RAP1GAP: variants seen among roughly 807,000 people sequenced by gnomAD.
RAP1GAP encodes rap1 GTPase-activating protein 1.
A neutral mutation model predicts 87.2 loss-of-function variants in RAP1GAP; 35 were observed. The observed-to-expected ratio is 0.40, with a 90% confidence interval of 0.31 to 0.53. The LOEUF (loss-of-function observed/expected upper bound fraction) is 0.53, where lower values mean the gene tolerates loss of function less well. RAP1GAP is among the 20% of genes least tolerant of loss of function. RAP1GAP has a pLI of 0.48. For missense variants in RAP1GAP, 734 were observed against 898.9 expected, an observed-to-expected ratio of 0.82 and a Z score of 2.35; for synonymous variants, 375 against 363.9, an observed-to-expected ratio of 1.03 and a Z score of -0.35.
chr1:21,640,355 A>G (rs2095405357), intron 2 of RAP1GAP, among the ~76,000 whole-genome samples: 1 of 152,114 alleles, frequency 6.6e-6, no homozygotes. Context: ...TGCACATTTC[A>G]TGGTGTGACC....
intron 2 of RAP1GAP, among the ~76,000 whole-genome samples, chr1:21,630,266 CT>C (rs199787255): frequency 1.2e-3 from 174 of 145,610 alleles, no homozygotes; most frequent in African/African-American, 1.4e-3. Context: ...TTCTTTTTCC[CT>C]TTTTTTTTTT....
chr1:21,601,851 C>T, intron 19 of RAP1GAP, 54 bp from the exon 20 acceptor site: 3 of 1,319,510 alleles, frequency 2.3e-6, no homozygotes, highest in South Asian at 1.3e-5. Context: ...TGGCATCAGG[C>T]GTAGCGTGAG....
intron 6 of RAP1GAP, 132 bp from the exon 7 acceptor site, chr1:21,617,623 T>C: frequency 9.1e-7 from 1 of 1,104,122 alleles, no homozygotes; most frequent in South Asian, 1.6e-5. Context: ...AGAGCCTGTG[T>C]GGGCCCCAGG....
At position 21,622,903 on chromosome 1, in the gene RAP1GAP, G is replaced by GT. The variant is rs2089724965; in HGVS notation, c.-18-2854dup. 1 of 152,238 alleles carries GT rather than the reference G, an allele frequency of 6.6e-6. No homozygotes were observed. The highest frequency in any genetic ancestry group is 2.1e-4 in the South Asian group (1 of 4,832). 9.4% of individuals were successfully genotyped at this position (152,238 alleles called of 1,614,324 possible). A position where few individuals can be genotyped will look rare whatever the true frequency, so the allele number is the denominator to read the frequency against. ...TAATGCTGGGCCCTTCGCATGTGTC[G>GT]TAATCTCGTCACAGCCCAGGAGGTA... On this transcript the variant is annotated intron_variant, in intron 3 of 24. Transcript: ENST00000374765. The surrounding 1 kb of genome is among the most constrained non-coding windows in gnomAD (Gnocchi z 5.7).
chr1:21,622,090 C>T lies in RAP1GAP; in HGVS notation c.-18-2040G>A, dbSNP rs1228744457. ...AGTGGTCCCGACGGTAGCACGCACC[C>T]ACACACACCCTGCCGCTGCAGCCCA... On this transcript the variant is annotated intron_variant, in intron 3 of 24. Coordinates refer to ENST00000374765, the MANE Select transcript of RAP1GAP (RefSeq NM_002885.4). The surrounding 1 kb of genome is among the most constrained non-coding windows in gnomAD (Gnocchi z 5.7). 6.6e-6 allele frequency among the ~76,000 whole-genome samples: 1 copy of T among 152,168 alleles called. No homozygotes were observed. The highest frequency in any genetic ancestry group is 1.5e-5 in the Non-Finnish European group (1 of 68,030).
At chr1:21,627,053 T>C in intron 2 of RAP1GAP, 2 of 452,430 alleles carry the variant, frequency 4.4e-6, no homozygotes, top group South Asian at 1.6e-5. Flanking sequence ...CACCACACCC[T>C]TCCCTGAGGA....
In RAP1GAP at chr1:21,657,427, G is replaced by A. The variant is rs193041676; in HGVS notation, c.-148-7631C>T. On this transcript the variant is annotated intron_variant, in intron 1 of 24. Transcript: ENST00000374765. ...TCATACAATATACACAGACAGATGT[G>A]TACACACCTCACAAACACGCATGGA... Among the ~76,000 whole-genome samples the A allele has an allele frequency of 1.6e-3, 251 of 152,360 alleles. 1 individual carries two copies. The highest frequency in any genetic ancestry group is 5.8e-3 in the African/African-American group (242 of 41,580).
intron 11 of RAP1GAP, 82 bp from the exon 12 acceptor site, chr1:21,611,898 C>A: frequency 1.3e-6 from 2 of 1,511,544 alleles, no homozygotes; most frequent in South Asian, 1.1e-5. Flanking sequence ...CCAGAGAGGG[C>A]CGGAGGGAGG....
At position 21,634,674 on chromosome 1, in the gene RAP1GAP, CA is replaced by C; in HGVS notation, c.-112-8278del. 3.2e-6 allele frequency: 1 copy of C among 315,866 alleles called. No homozygotes were observed. The highest frequency in any genetic ancestry group is 6.9e-6 in the Non-Finnish European group (1 of 144,314). 19.6% of individuals were successfully genotyped at this position (315,866 alleles called of 1,614,324 possible). A position where few individuals can be genotyped will look rare whatever the true frequency, so the allele number is the denominator to read the frequency against. The stretch of plus-strand genomic sequence containing the variant: ...CTGGGCCAGGCAGAGGCCTCCTGAA[CA>C]AATAACAGGTTGGCAGCCTAGAGAG... On this transcript the variant is annotated intron_variant, in intron 2 of 24. Transcript: ENST00000374765. The surrounding 1 kb of genome is among the most constrained non-coding windows in gnomAD (Gnocchi z 4.1).
At chr1:21,625,880 G>C (rs1490941921) in intron 3 of RAP1GAP, among the ~76,000 whole-genome samples, 1 of 152,174 alleles carries the variant, frequency 6.6e-6, no homozygotes, top group Non-Finnish European at 1.5e-5. Flanking sequence ...CGTTGACAGG[G>C]CTCTTGCTCT....
intron 1 of RAP1GAP, among the ~76,000 whole-genome samples, chr1:21,654,327 G>A (rs868567652): frequency 4.6e-5 from 7 of 152,186 alleles, no homozygotes; most frequent in South Asian, 4.1e-4. Context: ...ACCGTTGAAG[G>A]CTAAAATCTC....
In RAP1GAP at chr1:21,613,058, T is replaced by G; in HGVS notation, c.528+118A>C. ...AATTGTGGACTTCACAGGGTTATTG[T>G]GAGGATTAAATGAGAGAACCTTGGG... is the stretch of plus-strand genomic sequence containing the variant. On this transcript the variant is annotated intron_variant, in intron 10 of 24. Coordinates refer to ENST00000374765, the MANE Select transcript of RAP1GAP (RefSeq NM_002885.4). The surrounding 1 kb of genome is among the most constrained non-coding windows in gnomAD (Gnocchi z 4.7). 4 of 1,135,050 alleles carry G rather than the reference T, an allele frequency of 3.5e-6. No homozygotes were observed. The highest frequency in any genetic ancestry group is 5.2e-6 in the Non-Finnish European group (4 of 764,218). 70.3% of individuals were successfully genotyped at this position (1,135,050 alleles called of 1,614,324 possible).
At chr1:21,651,385 C>T (rs1210946451) in intron 1 of RAP1GAP, 2 of 526,556 alleles carry the variant, frequency 3.8e-6, no homozygotes, top group African/African-American at 1.9e-5. Context: ...CCCCTACTCC[C>T]ACATACCTAT....
chr1:21,628,956 C>T (rs1390138870), intron 2 of RAP1GAP, among the ~76,000 whole-genome samples: 1 of 151,830 alleles, frequency 6.6e-6, no homozygotes, highest in East Asian at 1.9e-4. Context: ...TCCACTGAGG[C>T]TCCCATGGGG....
intron 3 of RAP1GAP, among the ~76,000 whole-genome samples, chr1:21,620,395 G>T (rs2086176056): frequency 6.6e-6 from 1 of 152,202 alleles, no homozygotes; most frequent in African/African-American, 2.4e-5. Context: ...CCCAGGAGGG[G>T]TCTATGCTTC....
chr1:21,612,553 C>T (rs1214815578), intron 10 of RAP1GAP, among the ~76,000 whole-genome samples: 1 of 152,168 alleles, frequency 6.6e-6, no homozygotes, highest in African/African-American at 2.4e-5. Context: ...CACCTTAGGC[C>T]TCAGTTTCCT....
intron 2 of RAP1GAP, among the ~76,000 whole-genome samples, chr1:21,648,709 G>A (rs899664959): frequency 5.3e-5 from 8 of 152,206 alleles, no homozygotes; most frequent in African/African-American, 1.9e-4. Context: ...CCTGCTCTGA[G>A]CATAGCACAC....
At chr1:21,649,643 G>C in intron 2 of RAP1GAP, 118 bp downstream of exon 2, 1 of 1,221,296 alleles carries the variant, frequency 8.2e-7, no homozygotes, top group Non-Finnish European at 1.2e-6. Flanking sequence ...TGCCCTGAGA[G>C]GATGGTTGGA....
At chr1:21,608,031 C>T (rs765312002) in intron 17 of RAP1GAP, among the ~76,000 whole-genome samples, 182 bp downstream of exon 17, 3 of 151,790 alleles carry the variant, frequency 2.0e-5, no homozygotes, top group Non-Finnish European at 2.9e-5. Context: ...CCAATGCGAA[C>T]GGCCTCTAGC....
Sources: allele counts gnomAD v4.1 joint callset (sites outside exome capture counted in the v4.1 genomes callset), GRCh38; gene constraint gnomAD v4.1.1; non-coding constraint Gnocchi (gnomAD v3.1); transcripts MANE v1.5; gene names NCBI Gene and HGNC (gene_info 2026-07-23, HGNC 2026-07-21).